COL5A1: variants seen among roughly 807,000 people sequenced by gnomAD.
COL5A1 encodes collagen type V alpha 1 chain.
In COL5A1, 16 loss-of-function variants were observed where a neutral mutation model predicts 263.7. The observed-to-expected ratio is 0.06, with a 90% CI of 0.04 to 0.09. The LOEUF is 0.09. COL5A1 is among the 10% of genes least tolerant of loss of function. The probability of loss-of-function intolerance (pLI) is 1.00; values close to 1 mark genes in which losing one functional copy is unlikely to be tolerated. For missense variants in COL5A1, 2,036 were observed against 2,540.5 expected (o/e 0.80, Z 4.27); for synonymous variants, 1,012 against 1,004.5 (o/e 1.01, Z -0.14).
At position 134,741,081 on chromosome 9, in the gene COL5A1, G is replaced by A. The variant is rs1411983993; in HGVS notation, c.1494+2273G>A. Among the ~76,000 whole-genome samples, 2 of 152,196 alleles carry A rather than the reference G, an allele frequency of 1.3e-5. No homozygotes were observed. The highest frequency in any genetic ancestry group is 1.9e-4 in the East Asian group (1 of 5,176). On this transcript the variant is annotated intron_variant, in intron 11 of 65. Transcript: ENST00000371817. The surrounding 1 kb of genome is among the most constrained non-coding windows in gnomAD (Gnocchi z 4.5). ...GTTCAGGAAGCCATCCCTGCTCACC[G>A]CTCAGCGCCCTCTTGATGTCCAGAT...
At chr9:134,708,635 G>A (rs748385559) in intron 4 of COL5A1, 1 of 518,754 alleles carries the variant, frequency 1.9e-6, no homozygotes, top group African/African-American at 1.9e-5. Context: ...ACACCAGCAG[G>A]TGAAGGGCAG....
intron 1 of COL5A1, among the ~76,000 whole-genome samples, chr9:134,685,068 C>CCA (rs1832975552): frequency 1.1e-4 from 2 of 18,218 alleles, no homozygotes; most frequent in Non-Finnish European, 2.3e-4. Flanking sequence ...ATCCATCCAT[C>CCA]CATCCATCCA....
chr9:134,695,082 G>A (rs1355678220), intron 2 of COL5A1, among the ~76,000 whole-genome samples: 1 of 152,166 alleles, frequency 6.6e-6, no homozygotes, highest in African/African-American at 2.4e-5. Flanking sequence ...CCCACTTCCT[G>A]GATCAGCACG....
rs547372274 is a variant in COL5A1 at position 134,656,100 on chromosome 9, G to A, written c.109+13804G>A. 5.2e-4 allele frequency among the ~76,000 whole-genome samples: 79 copies of A among 152,308 alleles called. 1 individual carries two copies. Among genetic ancestry groups the A allele is most frequent in the African/African-American group, 1.8e-3 (75 of 41,560 alleles). On this transcript the variant is annotated intron_variant, in intron 1 of 65. Coordinates refer to ENST00000371817, the MANE Select transcript of COL5A1 (RefSeq NM_000093.5). The stretch of plus-strand genomic sequence containing the variant: ...GAGGATGCCGGAGCTTGGAGCCTGG[G>A]ACCCTCACAGTGGACAGGTGCAGGA...
intron 8 of COL5A1, 36 bp downstream of exon 8, chr9:134,731,699 G>A (rs748769228): frequency 1.3e-6 from 2 of 1,585,188 alleles, no homozygotes; most frequent in Non-Finnish European, 8.6e-7. Flanking sequence ...GGGTGGGGTT[G>A]GGGGGCTGGT....
chr9:134,767,209 G>A, intron 23 of COL5A1, 101 bp from the exon 24 acceptor site: 2 of 1,462,646 alleles, frequency 1.4e-6, no homozygotes, highest in Non-Finnish European at 1.9e-6. Context: ...GTTGGTGCCT[G>A]GATGAGGGAG....
rs1839015725 is a variant in COL5A1, at chr9:134,821,868, G to A, written c.4555-229G>A. On this transcript the variant is annotated intron_variant, in intron 58 of 65. Coordinates refer to ENST00000371817, the MANE Select transcript of COL5A1 (RefSeq NM_000093.5). The surrounding 1 kb of genome is among the most constrained non-coding windows in gnomAD (Gnocchi z 4.2). ...GTGAGTTCCTGGCAGCCCAGCCGGG[G>A]GAGCAGTGCCGAGGGCTGGCAGCCT... Among the ~76,000 whole-genome samples, 1 of 152,238 alleles carries A rather than the reference G, an allele frequency of 6.6e-6. No homozygotes were observed. Among genetic ancestry groups the A allele is most frequent in the Non-Finnish European group, 1.5e-5 (1 of 68,046 alleles).
In COL5A1 at chr9:134,804,988, C is replaced by G; in HGVS notation, c.3128C>G (p.Pro1043Arg). The G allele has an allele frequency of 2.5e-6, 4 of 1,613,736 alleles. No homozygotes were observed. Among genetic ancestry groups the G allele is most frequent in the East Asian group, 2.2e-5 (1 of 44,878 alleles). The change falls in exon 40 of 66, where the codon CCT becomes CGT. Residue 1043 changes from proline (P) to arginine (R), a missense_variant. Around this residue, in one of 3 missense-constraint regions of COL5A1, gnomAD observed 1,078 missense variants for 1,521.4 expected, o/e 0.71. Transcript: ENST00000371817. ...CTCTGTTTTCAGGGTGACCCAGGCCCTGCAGGCCTCCCTGGGAAAGATGGC... is the reference window on the plus strand; with the variant it reads ...CTCTGTTTTCAGGGTGACCCAGGCCGTGCAGGCCTCCCTGGGAAAGATGGC... ...GKEGTKGDPGPAGLPGKDGPP... is the reference protein window; with the variant it reads ...GKEGTKGDPGRAGLPGKDGPP...
intron 1 of COL5A1, among the ~76,000 whole-genome samples, chr9:134,676,212 G>A (rs961402900): frequency 1.3e-5 from 2 of 152,078 alleles, no homozygotes; most frequent in African/African-American, 4.8e-5. Context: ...TCTCTGATCG[G>A]TATTGTTCTG....
chr9:134,784,369 G>C (rs1219218603), intron 29 of COL5A1, among the ~76,000 whole-genome samples: 1 of 152,248 alleles, frequency 6.6e-6, no homozygotes, highest in Non-Finnish European at 1.5e-5. Context: ...AGGGCATTTA[G>C]AGACTCTGCC....
intron 1 of COL5A1, among the ~76,000 whole-genome samples, chr9:134,644,155 C>G (rs931930362): frequency 6.6e-6 from 1 of 151,090 alleles, no homozygotes; most frequent in East Asian, 1.9e-4. Context: ...AGTCATCCTT[C>G]GAGCATGGCC....
At chr9:134,771,242 C>T (rs142165129) in intron 25 of COL5A1, among the ~76,000 whole-genome samples, 1 of 152,248 alleles carries the variant, frequency 6.6e-6, no homozygotes, top group Admixed American at 6.5e-5. Flanking sequence ...AGGTCCTTCA[C>T]AGAAAGGTGT....
rs1028104420 is a variant in COL5A1, at chr9:134,818,365, C to T, written c.4231-291C>T. Among the ~76,000 whole-genome samples the T allele has an allele frequency of 6.6e-5, 10 of 152,262 alleles. No homozygotes were observed. The highest frequency in any genetic ancestry group is 4.2e-4 in the South Asian group (2 of 4,818). The stretch of plus-strand genomic sequence containing the variant: ...CTGGAGGCGCCTGTTGTTAAGGAGA[C>T]GGGAGGTTGTGCGGTTCCATCCCTG... On this transcript the variant is annotated intron_variant, in intron 54 of 65. Transcript: ENST00000371817. This position sits in a 1 kb window ranked among gnomAD's most constrained non-coding sequence, Gnocchi z 6.0.
chr9:134,735,731 C>T (rs1835073359), intron 9 of COL5A1, among the ~76,000 whole-genome samples: 1 of 152,270 alleles, frequency 6.6e-6, no homozygotes, highest in Non-Finnish European at 1.5e-5. Flanking sequence ...CAGCCCTGGG[C>T]TTTCTCAGCT....
chr9:134,656,406 C>T (rs755083190), intron 1 of COL5A1, among the ~76,000 whole-genome samples: 9 of 152,266 alleles, frequency 5.9e-5, no homozygotes, highest in Non-Finnish European at 8.8e-5. Flanking sequence ...CCGGGAGCTT[C>T]GGAGGCCGAG....
chr9:134,705,639 T>C (rs1050436740), intron 4 of COL5A1, among the ~76,000 whole-genome samples: 1 of 152,172 alleles, frequency 6.6e-6, no homozygotes, highest in Admixed American at 6.5e-5. Context: ...AAATCTGTGT[T>C]AGATGTGAGT....
chr9:134,811,100 G>C (rs770430161), intron 44 of COL5A1, among the ~76,000 whole-genome samples: 4 of 152,136 alleles, frequency 2.6e-5, no homozygotes, highest in Non-Finnish European at 4.4e-5. Flanking sequence ...CGGTGGTCTC[G>C]AGAGACATTG....
chr9:134,685,067 TCCATCCATCCATCCAC>T (rs1832975407), intron 1 of COL5A1, among the ~76,000 whole-genome samples: 7 of 19,076 alleles, frequency 3.7e-4, no homozygotes, highest in African/African-American at 6.9e-4. Flanking sequence ...CATCCATCCA[TCCATCCATCCATCCAC>T]CCACCATCCA....
intron 52 of COL5A1, 140 bp downstream of exon 52, chr9:134,816,128 A>ATTGATTCCCTTATGATG: frequency 1.2e-6 from 1 of 809,726 alleles, no homozygotes; most frequent in East Asian, 2.6e-5. Context: ...CCCTTATGAT[A>ATTGATTCCCTTATGATG]TTGATTCCCT....
Sources: gnomAD v4.1 joint callset for allele counts (sites outside exome capture counted in the v4.1 genomes callset) on GRCh38, gnomAD v4.1.1 for gene constraint, gnomAD v4.1.1 regional missense constraint, Gnocchi (gnomAD v3.1) non-coding constraint, MANE v1.5 for transcripts, NCBI Gene and HGNC (gene_info 2026-07-23, HGNC 2026-07-21) for gene names.